SUMO2: variants seen among roughly 807,000 people sequenced by gnomAD.
SUMO2 encodes small ubiquitin like modifier 2.
Under a neutral mutation model 16.0 loss-of-function variants are expected in SUMO2, and 1 was observed. That is an observed-to-expected ratio of 0.06 (90% confidence interval 0.02 to 0.30). The LOEUF is 0.30. Among genes scored for constraint, SUMO2 ranks in the 10% least tolerant of loss-of-function variants. The probability of loss-of-function intolerance (pLI) is 1.00; values close to 1 mark genes in which losing one functional copy is unlikely to be tolerated. For missense variants in SUMO2, 16 were observed against 117.5 expected (o/e 0.14, Z 3.99); for synonymous variants, 36 against 40.6 (o/e 0.89, Z 0.43).
At chr17:75,180,220 A>G (rs1006159202) in intron 2 of SUMO2, among the ~76,000 whole-genome samples, 10 of 151,754 alleles carry the variant, frequency 6.6e-5, no homozygotes, top group African/African-American at 2.2e-4. Flanking sequence ...AGGCTGAGGC[A>G]TAAGAATAGC....
In SUMO2 at chr17:75,166,066, G is replaced by C. The variant is rs572239319; in HGVS notation, c.*2273C>G. 1.3e-5 allele frequency: 2 copies of C among 152,872 alleles called. No individual in the cohort carries two copies. The highest frequency in any genetic ancestry group is 4.1e-4 in the South Asian group (2 of 4,838). 9.5% of individuals were successfully genotyped at this position (152,872 alleles called of 1,614,324 possible). A position where few individuals can be genotyped will look rare whatever the true frequency, so the allele number is the denominator to read the frequency against. ...CAAAAACAAAAACTGTAGTGGTTGG[G>C]CATGGGGTCTAACACCTGAAACCCC... On this transcript the variant is annotated 3_prime_UTR_variant, in exon 4 of 4. Transcript: ENST00000420826.
rs779765054 is a variant in SUMO2, at chr17:75,181,141, C to A, written c.69G>T (p.Ala23=). ...ACTGCACCACAGAACCATCCTGCCC[C>A]GCCACCTTCAAATTAATATGATCGT... ...ENNDHINLKV[A]GQDGSVVQFK... The change falls in exon 2 of 4, where the codon GCG becomes GCT. Residue 23 remains alanine (A), a synonymous_variant. Coordinates refer to ENST00000420826, the MANE Select transcript of SUMO2 (RefSeq NM_006937.4). The A allele has an allele frequency of 6.2e-7, 1 of 1,613,934 alleles. No individual in the cohort carries two copies. The highest frequency in any genetic ancestry group is 1.7e-5 in the Admixed American group (1 of 59,968).
chr17:75,171,186 A>G (rs1346892856), intron 3 of SUMO2, among the ~76,000 whole-genome samples: 5 of 151,428 alleles, frequency 3.3e-5, no homozygotes, highest in African/African-American at 1.2e-4. Context: ...GTGGAGTGCA[A>G]TGGCGCAATC....
chr17:75,176,948 C>CT (rs374699132), intron 2 of SUMO2, among the ~76,000 whole-genome samples: 118 of 151,972 alleles, frequency 7.8e-4, no homozygotes, highest in African/African-American at 2.8e-3. Flanking sequence ...CCTTGGGAGA[C>CT]TGAGGTGGAA....
At chr17:75,176,890 C>T (rs2074786534) in intron 2 of SUMO2, among the ~76,000 whole-genome samples, 1 of 151,930 alleles carries the variant, frequency 6.6e-6, no homozygotes, top group Non-Finnish European at 1.5e-5. Flanking sequence ...CCATCATCTA[C>T]TTAAAAACAA....
rs768861885 is a variant in SUMO2 at position 75,182,841 on chromosome 17, C to T, written c.-7G>A. ...TGGGCTTTTCGTCGGCCATGGCGAG[C>T]GCCGGAGTCTCCTCAGCTGCCGCTT... is the stretch of plus-strand genomic sequence containing the variant. On this transcript the variant is annotated 5_prime_UTR_variant, in exon 1 of 4. Transcript: ENST00000420826. 5 of 1,407,322 alleles carry T rather than the reference C, an allele frequency of 3.6e-6. No homozygotes were observed. The highest frequency in any genetic ancestry group is 2.7e-4 in the Middle Eastern group (1 of 3,714). The allele number at this position is 1,407,322 out of a possible 1,614,324, so 87.2% of individuals were successfully genotyped here.
chr17:75,173,479 T>C (rs76153429), intron 3 of SUMO2, among the ~76,000 whole-genome samples: 3 of 150,166 alleles, frequency 2.0e-5, no homozygotes, highest in East Asian at 4.0e-4. Context: ...TGGAAGTCAT[T>C]TTTTTTTTTT....
At chr17:75,168,513 T>C in intron 3 of SUMO2, 112 bp from the exon 4 acceptor site, 5 of 889,212 alleles carry the variant, frequency 5.6e-6, no homozygotes, top group Non-Finnish European at 8.4e-6. Flanking sequence ...GTTCCAAGTT[T>C]CATTATTTTA....
rs940385039 is a variant in SUMO2, at chr17:75,167,770, G to C, written c.*569C>G. On this transcript the variant is annotated 3_prime_UTR_variant, in exon 4 of 4. Transcript: ENST00000420826. ...AGTTTATTTAAACAACAAGACGCTT[G>C]ACTTGAAGGGAAAACTATCTAGGAT... is the stretch of plus-strand genomic sequence containing the variant. 1.3e-5 allele frequency: 2 copies of C among 154,568 alleles called. 1 individual carries two copies. Among genetic ancestry groups the C allele is most frequent in the Non-Finnish European group, 2.9e-5 (2 of 68,034 alleles). The allele number at this position is 154,568 out of a possible 1,614,324, so 9.6% of individuals were successfully genotyped here.
At chr17:75,170,021 T>C (rs1336254097) in intron 3 of SUMO2, among the ~76,000 whole-genome samples, 2 of 151,158 alleles carry the variant, frequency 1.3e-5, no homozygotes, top group Non-Finnish European at 2.9e-5. Context: ...ACAAAAAAAT[T>C]AGCTGGGCGT....
At chr17:75,169,116 C>A (rs1480536012) in intron 3 of SUMO2, among the ~76,000 whole-genome samples, 2 of 150,930 alleles carry the variant, frequency 1.3e-5, no homozygotes, top group Non-Finnish European at 2.9e-5. Flanking sequence ...TCCATACTCC[C>A]AGCTACTCAG....
intron 3 of SUMO2, among the ~76,000 whole-genome samples, chr17:75,172,325 C>CTTCT (rs140644374): frequency 0.69 from 75,035 of 109,244 alleles, 22,981 homozygotes; most frequent in South Asian, 0.76. Flanking sequence ...TGTACCCAGA[C>CTTCT]TTTTTTTTTT....
At chr17:75,180,398 A>C (rs1037587269) in intron 2 of SUMO2, among the ~76,000 whole-genome samples, 37 of 126,732 alleles carry the variant, frequency 2.9e-4, no homozygotes, top group Non-Finnish European at 5.5e-4. Flanking sequence ...AGCTTAAAAA[A>C]AAAAAAAAAA....
rs2074700816 is a variant in SUMO2, at chr17:75,167,310, T to C, written c.*1029A>G. On this transcript the variant is annotated 3_prime_UTR_variant, in exon 4 of 4. Transcript: ENST00000420826. ...CCGTCTCAAAAAAAAAATCCTTGAA[T>C]AAGGAACGAAAACTTTATTTTAGGT... 1 of 151,870 alleles carries C rather than the reference T, an allele frequency of 6.6e-6. No homozygotes were observed. The highest frequency in any genetic ancestry group is 1.5e-5 in the Non-Finnish European group (1 of 68,000). 9.4% of individuals were successfully genotyped at this position (151,870 alleles called of 1,614,324 possible). A position where few individuals can be genotyped will look rare whatever the true frequency, so the allele number is the denominator to read the frequency against.
At chr17:75,176,792 GT>G (rs2074785617) in intron 2 of SUMO2, among the ~76,000 whole-genome samples, 1 of 152,106 alleles carries the variant, frequency 6.6e-6, no homozygotes, top group Non-Finnish European at 1.5e-5. Flanking sequence ...AACCTAGACT[GT>G]TTTAGTTACA....
chr17:75,179,212 C>A (rs1186340910), intron 2 of SUMO2, among the ~76,000 whole-genome samples: 2 of 152,076 alleles, frequency 1.3e-5, no homozygotes, highest in East Asian at 3.9e-4. Flanking sequence ...AGGGTGATTT[C>A]AGCAAAATTC....
In SUMO2 at chr17:75,167,080, G is replaced by A. The variant is rs1245931357; in HGVS notation, c.*1259C>T. ...ATGCCGTAATCCCTGCACTTTGGGA[G>A]GCTGAGGCGGGTGGATCACCTAAGG... On this transcript the variant is annotated 3_prime_UTR_variant, in exon 4 of 4. Coordinates refer to ENST00000420826, the MANE Select transcript of SUMO2 (RefSeq NM_006937.4). 6.6e-6 allele frequency: 1 copy of A among 150,650 alleles called. No individual in the cohort carries two copies. The highest frequency in any genetic ancestry group is 1.5e-5 in the Non-Finnish European group (1 of 67,852). The allele number at this position is 150,650 out of a possible 1,614,324, so 9.3% of individuals were successfully genotyped here.
At chr17:75,170,396 C>G (rs1458730791) in intron 3 of SUMO2, among the ~76,000 whole-genome samples, 2 of 151,204 alleles carry the variant, frequency 1.3e-5, no homozygotes, top group Non-Finnish European at 2.9e-5. Context: ...ATGGTGAAAC[C>G]CTGTTTCTAC....
At position 75,166,328 on chromosome 17, in the gene SUMO2, A is replaced by G. The variant is rs1185344727; in HGVS notation, c.*2011T>C. ...CCTTCTCTACTAAAAATACAGAATT[A>G]GCCAGGTATGATGGTAGATGCTTGT... On this transcript the variant is annotated 3_prime_UTR_variant, in exon 4 of 4. Transcript: ENST00000420826. 1 of 152,158 alleles carries G rather than the reference A, an allele frequency of 6.6e-6. No individual in the cohort carries two copies. Among genetic ancestry groups the G allele is most frequent in the African/African-American group, 2.4e-5 (1 of 41,444 alleles). 9.4% of individuals were successfully genotyped at this position (152,158 alleles called of 1,614,324 possible).
Sources: allele counts gnomAD v4.1 joint callset (sites outside exome capture counted in the v4.1 genomes callset), GRCh38; gene constraint gnomAD v4.1.1; transcripts MANE v1.5; gene names NCBI Gene and HGNC (gene_info 2026-07-23, HGNC 2026-07-21).